Variants in ALK observed in about 807,000 individuals in gnomAD.
ALK encodes the protein ALK tyrosine kinase receptor.
A neutral mutation model predicts 163.1 loss-of-function variants in ALK; 74 were observed. The ratio of observed to expected loss-of-function variants is 0.45; its 90% CI spans 0.38 to 0.55. The LOEUF is 0.55. Among genes scored for constraint, ALK ranks in the 20% least tolerant of loss-of-function variants. ALK has a pLI of 0.00. For synonymous variants in ALK, 960 were observed against 843.2 expected (o/e 1.14, Z -2.40); for missense variants, 2,063 against 2,105.3 (o/e 0.98, Z 0.39).
chr2:29,337,869 T>C (rs1205239707), intron 5 of ALK, among the ~76,000 whole-genome samples: 3 of 152,146 alleles, frequency 2.0e-5, no homozygotes, highest in Non-Finnish European at 4.4e-5. Flanking sequence ...GCCTAAGGTA[T>C]AGAGAAAATA....
chr2:29,699,692 C>T (rs1003308468), intron 2 of ALK, among the ~76,000 whole-genome samples: 17 of 152,214 alleles, frequency 1.1e-4, no homozygotes, highest in Admixed American at 2.6e-4. Context: ...ATCCAGAGAT[C>T]TTGACCTTTT....
intron 4 of ALK, among the ~76,000 whole-genome samples, chr2:29,495,130 C>T (rs1671994004): frequency 6.6e-6 from 1 of 152,124 alleles, no homozygotes. Context: ...GAAGTATGTT[C>T]ACAGAGCCGG....
Position 29,460,729 on chromosome 2 carries a change from C to G in ALK, c.1154+71186G>C, listed in dbSNP as rs970930430. Among the ~76,000 whole-genome samples the G allele has an allele frequency of 5.1e-4, 78 of 152,264 alleles. 1 individual carries two copies. The highest frequency in any genetic ancestry group is 1.9e-3 in the African/African-American group (77 of 41,550). On this transcript the variant is annotated intron_variant, in intron 4 of 28. Transcript: ENST00000389048. ...CTCCATTTTTCTCCCTATCTTCAGG[C>G]CTTTCTATTCCTTGAGACACATCAT...
chr2:29,662,029 C>A (rs979213672), intron 3 of ALK, among the ~76,000 whole-genome samples: 1 of 152,100 alleles, frequency 6.6e-6, no homozygotes, highest in Non-Finnish European at 1.5e-5. Flanking sequence ...CCTGCCTCAG[C>A]CTCCCGAGTA....
intron 1 of ALK, among the ~76,000 whole-genome samples, chr2:29,916,451 C>T (rs1487950426): frequency 1.3e-5 from 2 of 152,190 alleles, no homozygotes; most frequent in African/African-American, 4.8e-5. Flanking sequence ...CAGCTCTCTG[C>T]TCTTCTCTGG....
intron 1 of ALK, among the ~76,000 whole-genome samples, chr2:29,758,419 A>T (rs746763665): frequency 6.6e-6 from 1 of 152,120 alleles, no homozygotes; most frequent in Non-Finnish European, 1.5e-5. Flanking sequence ...CTCATTGACA[A>T]GCCACTGGTT....
At chr2:29,680,366 C>A (rs1678026707) in intron 3 of ALK, among the ~76,000 whole-genome samples, 1 of 151,960 alleles carries the variant, frequency 6.6e-6, no homozygotes, top group Non-Finnish European at 1.5e-5. Context: ...GAACATTTTT[C>A]TTAAAACATT....
chr2:29,601,801 C>T (rs879691410), intron 3 of ALK, among the ~76,000 whole-genome samples: 1 of 152,142 alleles, frequency 6.6e-6, no homozygotes, highest in Non-Finnish European at 1.5e-5. Flanking sequence ...AGACCTCGTC[C>T]TGGCATTCAT....
chr2:29,470,326 G>GTGAAGAAAT (rs56028623), intron 4 of ALK, among the ~76,000 whole-genome samples: 41,446 of 151,852 alleles, frequency 0.27, 6,229 homozygotes, highest in Non-Finnish European at 0.34. Context: ...GAGGCAATAT[G>GTGAAGAAAT]TGAAGAAATA....
chr2:29,616,585 A>G (rs1675854595), intron 3 of ALK, among the ~76,000 whole-genome samples: 1 of 152,198 alleles, frequency 6.6e-6, no homozygotes, highest in South Asian at 2.1e-4. Context: ...AGGGCTCTGG[A>G]CTCAGTGAGC....
intron 8 of ALK, among the ~76,000 whole-genome samples, chr2:29,305,483 A>G (rs1666485897): frequency 6.6e-6 from 1 of 152,198 alleles, no homozygotes; most frequent in African/African-American, 2.4e-5. Context: ...CTAACATTAG[A>G]CAGCACTCAC....
chr2:29,520,233 T>A (rs1672777232), intron 4 of ALK, among the ~76,000 whole-genome samples: 1 of 152,154 alleles, frequency 6.6e-6, no homozygotes, highest in African/African-American at 2.4e-5. Flanking sequence ...CTGAAGACAG[T>A]CCTTCGATTG....
chr2:29,887,316 GCTTAGCTGGGGCTGTTGGC>G (rs1282898959), intron 1 of ALK, among the ~76,000 whole-genome samples: 12 of 152,130 alleles, frequency 7.9e-5, no homozygotes, highest in Non-Finnish European at 4.4e-5. Context: ...GGAAGTCTGG[GCTTAGCTGGGGCTGTTGGC>G]CACAGTGTCT....
intron 3 of ALK, among the ~76,000 whole-genome samples, chr2:29,598,429 G>A (rs529932461): frequency 6.6e-6 from 1 of 152,256 alleles, no homozygotes; most frequent in South Asian, 2.1e-4. Flanking sequence ...ACCCAGCATA[G>A]AAACCTAGAG....
intron 11 of ALK, among the ~76,000 whole-genome samples, chr2:29,256,097 T>C (rs986333409): frequency 5.5e-4 from 84 of 152,278 alleles, no homozygotes; most frequent in African/African-American, 1.9e-3. Context: ...TGGAAGGCAA[T>C]GGGCACCACT....
intron 1 of ALK, chr2:29,899,825 C>CAA (rs113853213): frequency 1.4e-4 from 16 of 111,416 alleles, no homozygotes; most frequent in African/African-American, 4.7e-4. Flanking sequence ...GACCCCATCT[C>CAA]AAAAAAAAAA....
intron 9 of ALK, 40 bp downstream of exon 9, chr2:29,296,848 A>G: frequency 6.2e-7 from 1 of 1,613,470 alleles, no homozygotes; most frequent in East Asian, 2.2e-5. Flanking sequence ...ATTTTAGCTG[A>G]TAGAGGAGAA....
intron 1 of ALK, among the ~76,000 whole-genome samples, chr2:29,801,057 A>G (rs1487370724): frequency 6.6e-6 from 1 of 151,812 alleles, no homozygotes; most frequent in Non-Finnish European, 1.5e-5. Flanking sequence ...AGCTCCCCCA[A>G]CCTCCCAAGA....
At chr2:29,806,963 G>C (rs1237247855) in intron 1 of ALK, among the ~76,000 whole-genome samples, 1 of 152,244 alleles carries the variant, frequency 6.6e-6, no homozygotes, top group Non-Finnish European at 1.5e-5. Context: ...ATGTGCACGT[G>C]CACGCACATA....
Sources: allele counts gnomAD v4.1 joint callset (sites outside exome capture counted in the v4.1 genomes callset), GRCh38; gene constraint gnomAD v4.1.1; transcripts MANE v1.5; gene names NCBI Gene and HGNC (gene_info 2026-07-23, HGNC 2026-07-21).